Variants in STX5 observed in about 807,000 individuals in gnomAD.
STX5 encodes syntaxin-5.
A neutral mutation model predicts 42.9 loss-of-function variants in STX5; 15 were observed. That is an observed-to-expected ratio of 0.35 (90% CI 0.23 to 0.54). STX5 has a LOEUF of 0.54. STX5 is among the 20% of genes least tolerant of loss of function. The pLI, the probability that STX5 is intolerant of heterozygous loss-of-function variation, is 0.91. For missense variants in STX5, 430 were observed against 455.0 expected (o/e 0.95, Z 0.50); for synonymous variants, 184 against 173.2 (o/e 1.06, Z -0.49).
At position 62,831,112 on chromosome 11, in the gene STX5, TG is replaced by T. The variant is rs746707646; in HGVS notation, c.131del (p.Pro44GlnfsTer2). On this transcript the variant is annotated frameshift_variant, in exon 2 of 11. Transcript: ENST00000294179. LOFTEE classifies it high-confidence loss of function. ...CGGGAGGGGGAGGGACGAGGGTCAC[TG>T]GGGGGGGCAGAGGGGCGATGTCGCT... ...SSSDIAPLPP[P>X]VTLVPPPPDT... The T allele has an allele frequency of 1.5e-5, 19 of 1,298,214 alleles. No individual in the cohort carries two copies. Among genetic ancestry groups the T allele is most frequent in the African/African-American group, 1.0e-4 (6 of 59,282 alleles). The allele number at this position is 1,298,214 out of a possible 1,614,324, so 80.4% of individuals were successfully genotyped here. A position where few individuals can be genotyped will look rare whatever the true frequency, so the allele number is the denominator to read the frequency against.
At position 62,831,178 on chromosome 11, in the gene STX5, C is replaced by T. The variant is rs1393560578; in HGVS notation, c.66G>A (p.Lys22=). 2.0e-5 allele frequency: 32 copies of T among 1,564,826 alleles called. No individual in the cohort carries two copies. Among genetic ancestry groups the T allele is most frequent in the Non-Finnish European group, 2.5e-5 (29 of 1,153,904 alleles). The change falls in exon 2 of 11, where the codon AAG becomes AAA. Residue 22 remains lysine, a synonymous_variant. Coordinates refer to ENST00000294179, the MANE Select transcript of STX5 (RefSeq NM_003164.5). ...TDQGVYLGLS[K]TQVLSPATAG... ...CAGTTGCAGGGGACAGGACCTGTGT[C>T]TTTGAGAGACCCAGGTAGACACCCT...
Position 62,827,175 on chromosome 11 carries a change from G to A in STX5, c.403C>T (p.Leu135=). 4 of 1,614,106 alleles carry A rather than the reference G, an allele frequency of 2.5e-6. No individual in the cohort carries two copies. Among genetic ancestry groups the A allele is most frequent in the Non-Finnish European group, 3.4e-6 (4 of 1,180,012 alleles). The stretch of plus-strand genomic sequence containing the variant: ...CTCACCTGTTTGATGATATATGTTA[G>A]CTCTTCAATTTCCACTGCTTTATCA... ...FDDKAVEIEE[L]TYIIKQDINS... Residue 135 remains leucine, a synonymous_variant, in exon 5 of 11, where the codon CTA becomes TTA. Transcript: ENST00000294179.
At chr11:62,809,982 A>AC (rs1479945388) in intron 10 of STX5, among the ~76,000 whole-genome samples, 2 of 149,168 alleles carry the variant, frequency 1.3e-5, no homozygotes, top group Non-Finnish European at 3.0e-5. Flanking sequence ...TGCACCTGTA[A>AC]CCCCAGCTAC....
At chr11:62,828,109 C>G (rs2084815669) in intron 2 of STX5, among the ~76,000 whole-genome samples, 1 of 151,240 alleles carries the variant, frequency 6.6e-6, no homozygotes, top group South Asian at 2.1e-4. Context: ...CTGAAAAACA[C>G]TTCTTTATAA....
At chr11:62,827,257 G>T (rs1182640164) in intron 4 of STX5, 32 bp from the exon 5 acceptor site, 37 of 1,613,982 alleles carry the variant, frequency 2.3e-5, no homozygotes, top group Non-Finnish European at 3.1e-5. Flanking sequence ...CACAATGGGT[G>T]AGGTCAAGGA....
chr11:62,807,735 T>A, intron 10 of STX5, 107 bp from the exon 11 acceptor site: 1 of 1,514,512 alleles, frequency 6.6e-7, no homozygotes, highest in Non-Finnish European at 8.9e-7. Context: ...ATGATCCCAT[T>A]CTTATATATA....
intron 10 of STX5, among the ~76,000 whole-genome samples, chr11:62,811,170 C>G (rs1166491703): frequency 1.3e-5 from 2 of 152,020 alleles, no homozygotes; most frequent in African/African-American, 4.8e-5. Flanking sequence ...CTTTTTTTCA[C>G]TTTACCCAGT....
chr11:62,815,188 A>G (rs2134820825), intron 10 of STX5, among the ~76,000 whole-genome samples: 1 of 151,826 alleles, frequency 6.6e-6, no homozygotes, highest in South Asian at 2.1e-4. Context: ...TTCTGTTTTC[A>G]GTAGAGATGG....
At chr11:62,822,723 T>A (rs1292239560) in intron 10 of STX5, among the ~76,000 whole-genome samples, 1 of 149,398 alleles carries the variant, frequency 6.7e-6, no homozygotes, top group East Asian at 2.0e-4. Context: ...TTTAACATAC[T>A]ATTTATTATG....
intron 10 of STX5, among the ~76,000 whole-genome samples, chr11:62,823,550 A>G (rs1274321381): frequency 6.6e-6 from 1 of 151,320 alleles, no homozygotes; most frequent in Non-Finnish European, 1.5e-5. Context: ...TCAATTTTTT[A>G]TTTTTATTTT....
Position 62,826,599 on chromosome 11 carries a change from AT to A in STX5, c.423+555del, listed in dbSNP as rs113959772. On this transcript the variant is annotated intron_variant, in intron 5 of 10. Coordinates refer to ENST00000294179, the MANE Select transcript of STX5 (RefSeq NM_003164.5). ...TAAATAAATAAATAAAATAAAAGTTATTATTACAGTCGAGTGCAGTGGCTCA... is the reference window on the plus strand; with the variant it reads ...TAAATAAATAAATAAAATAAAAGTTATATTACAGTCGAGTGCAGTGGCTCA... Among the ~76,000 whole-genome samples, 3 of 147,686 alleles carry A rather than the reference AT, an allele frequency of 2.0e-5. 1 individual carries two copies. Among genetic ancestry groups the A allele is most frequent in the African/African-American group, 7.5e-5 (3 of 39,994 alleles).
chr11:62,818,428 A>G (rs1348941922), intron 10 of STX5, among the ~76,000 whole-genome samples: 1 of 150,810 alleles, frequency 6.6e-6, no homozygotes, highest in Non-Finnish European at 1.5e-5. Flanking sequence ...TGGGTATGCT[A>G]GTGGTTGCCT....
chr11:62,815,297 T>C (rs1249219686), intron 10 of STX5, among the ~76,000 whole-genome samples: 1 of 151,948 alleles, frequency 6.6e-6, no homozygotes, highest in East Asian at 1.9e-4. Context: ...TGAGCCACCA[T>C]GCCCAGCCAA....
At chr11:62,825,775 T>G (rs1240105819) in intron 5 of STX5, among the ~76,000 whole-genome samples, 1 of 152,142 alleles carries the variant, frequency 6.6e-6, no homozygotes, top group African/African-American at 2.4e-5. Context: ...TCATCCATTG[T>G]AAATAACTTG....
At chr11:62,807,712 A>G in intron 10 of STX5, 84 bp from the exon 11 acceptor site, 12 of 1,564,500 alleles carry the variant, frequency 7.7e-6, no homozygotes, top group Non-Finnish European at 1.0e-5. Context: ...TGACATGGAA[A>G]GATGGTCACA....
rs2084803970 is a variant in STX5, at chr11:62,827,042, C to T, written c.423+113G>A. 7.7e-6 allele frequency: 7 copies of T among 909,920 alleles called. No homozygotes were observed. In the South Asian group the frequency reaches 9.5e-5, roughly 12 times the overall value. The allele number at this position is 909,920 out of a possible 1,614,324, so 56.4% of individuals were successfully genotyped here. On this transcript the variant is annotated intron_variant, in intron 5 of 10. Transcript: ENST00000294179. ...TCCAGACTGGTCAACACAGTGAGACCCCCCTCTCTAAAAAAAGAAACTTGC... is the reference window on the plus strand; with the variant it reads ...TCCAGACTGGTCAACACAGTGAGACTCCCCTCTCTAAAAAAAGAAACTTGC...
At chr11:62,814,777 A>G (rs544384654) in intron 10 of STX5, among the ~76,000 whole-genome samples, 1 of 151,376 alleles carries the variant, frequency 6.6e-6, no homozygotes, top group South Asian at 2.1e-4. Flanking sequence ...TGTTTTTAGT[A>G]GAAACGGGGT....
At chr11:62,823,206 GCT>G (rs1246726913) in intron 10 of STX5, among the ~76,000 whole-genome samples, 1 of 150,122 alleles carries the variant, frequency 6.7e-6, no homozygotes, top group African/African-American at 2.4e-5. Flanking sequence ...ATGGGGTCTT[GCT>G]CTGTCACTCA....
At chr11:62,826,596 GTTA>G (rs1415335387) in intron 5 of STX5, among the ~76,000 whole-genome samples, 1 of 148,644 alleles carries the variant, frequency 6.7e-6, no homozygotes, top group Middle Eastern at 3.5e-3. Flanking sequence ...TAAAATAAAA[GTTA>G]TTATTACAGT....
Sources: gnomAD v4.1 joint callset for allele counts (sites outside exome capture counted in the v4.1 genomes callset) on GRCh38, gnomAD v4.1.1 for gene constraint, MANE v1.5 for transcripts, NCBI Gene and HGNC (gene_info 2026-07-23, HGNC 2026-07-21) for gene names.